The following ZNF283 variants were observed in gnomAD, a reference collection of about 807,000 sequenced individuals.
ZNF283 encodes zinc finger protein 41.
Under a neutral mutation model 9.2 loss-of-function variants are expected in ZNF283, and 10 were observed. The observed-to-expected ratio is 1.09, with a 90% CI of 0.67 to 1.85. The LOEUF (loss-of-function observed/expected upper bound fraction) is 1.85. ZNF283 is among the 40% of genes most tolerant of loss of function. The probability of loss-of-function intolerance (pLI) is 0.00; values close to 1 mark genes in which losing one functional copy is unlikely to be tolerated. For missense variants in ZNF283, 631 were observed against 760.1 expected (o/e 0.83, Z 2.00); for synonymous variants, 234 against 244.1 (o/e 0.96, Z 0.38).
chr19:43,845,266 GA>G (rs1412720298), intron 6 of ZNF283, among the ~76,000 whole-genome samples: 2 of 152,152 alleles, frequency 1.3e-5, no homozygotes, highest in Admixed American at 6.5e-5. Context: ...TTATGTCAAA[GA>G]AACCTGATTG....
chr19:43,850,289 A>G lies in ZNF283; in HGVS notation c.*1648A>G, dbSNP rs1223990369. 1 of 152,208 alleles carries G rather than the reference A, an allele frequency of 6.6e-6. No homozygotes were observed. The highest frequency in any genetic ancestry group is 1.5e-5 in the Non-Finnish European group (1 of 68,048). The allele number at this position is 152,208 out of a possible 1,614,324, so 9.4% of individuals were successfully genotyped here. ...TTGCAATACCTCAGAAGCAGATAGT[A>G]TCCATTTCCCCCAGTATCACCAGTG... is the stretch of plus-strand genomic sequence containing the variant. On this transcript the variant is annotated 3_prime_UTR_variant, in exon 7 of 7. Transcript: ENST00000618787.
chr19:43,847,003 T>C lies in ZNF283; in HGVS notation c.402T>C (p.Asn134=). ...CAGAAAATGATATTTTTGAAATAAA[T>C]TTTTCCCAGTGGGAGATGAAGGACA... ...IFSENDIFEI[N]FSQWEMKDKS... Residue 134 remains asparagine, a synonymous_variant, in exon 7 of 7, where the codon AAT becomes AAC. Coordinates refer to ENST00000618787, the MANE Select transcript of ZNF283 (RefSeq NM_181845.2). The C allele has an allele frequency of 6.4e-7, 1 of 1,569,642 alleles. No individual in the cohort carries two copies. The highest frequency in any genetic ancestry group is 8.6e-7 in the Non-Finnish European group (1 of 1,161,330).
chr19:43,830,731 C>T (rs1207882038), intron 2 of ZNF283, among the ~76,000 whole-genome samples: 1 of 151,634 alleles, frequency 6.6e-6, no homozygotes, highest in African/African-American at 2.4e-5. Context: ...GGTGAAATCC[C>T]ATCTGTACTA....
Position 43,847,219 on chromosome 19 carries a change from CTA to C in ZNF283, c.620_621del (p.Tyr207CysfsTer3), listed in dbSNP as rs747358515. 62 of 1,613,810 alleles carry C rather than the reference CTA, an allele frequency of 3.8e-5. 1 individual carries two copies. In the South Asian group the frequency reaches 6.8e-4, roughly 18 times the overall value. ...HQRIHNTEKS[Y>X]VCKECGKACS... ...AAAGAATTCATAATACAGAGAAATCCTATGTTTGTAAGGAATGTGGGAAGGCT... is the reference window on the plus strand; with the variant it reads ...AAAGAATTCATAATACAGAGAAATCCTGTTTGTAAGGAATGTGGGAAGGCT... On this transcript the variant is annotated frameshift_variant, in exon 7 of 7. Transcript: ENST00000618787. LOFTEE classifies it low-confidence loss of function (END_TRUNC).
At chr19:43,837,543 T>C (rs748056031) in intron 6 of ZNF283, 2 of 335,932 alleles carry the variant, frequency 6.0e-6, no homozygotes, top group East Asian at 9.1e-5. Context: ...TGCTGAGCAC[T>C]GTCAATTGAA....
intron 6 of ZNF283, among the ~76,000 whole-genome samples, chr19:43,844,628 C>A (rs996479976): frequency 2.0e-5 from 3 of 152,070 alleles, no homozygotes; most frequent in African/African-American, 7.2e-5. Flanking sequence ...GACCTGTGAC[C>A]AACTATATAT....
intron 6 of ZNF283, among the ~76,000 whole-genome samples, chr19:43,838,866 G>A (rs1229148568): frequency 6.6e-6 from 1 of 152,098 alleles, no homozygotes; most frequent in Non-Finnish European, 1.5e-5. Flanking sequence ...GGTTCATCTT[G>A]TATGAAATTT....
rs151101565 is a variant in ZNF283 at position 43,842,651 on chromosome 19, C to G, written c.338-4288C>G. 5.2e-3 allele frequency among the ~76,000 whole-genome samples: 790 copies of G among 152,314 alleles called. 2 individuals carry two copies. Among genetic ancestry groups the G allele is most frequent in the African/African-American group, 0.016 (663 of 41,570 alleles). ...AAGACCCCTGGGAGTTCCCAAGAAC[C>G]TTTCAGTGGGCCAAACCTTTCACAA... On this transcript the variant is annotated intron_variant, in intron 6 of 6. Transcript: ENST00000618787.
intron 3 of ZNF283, among the ~76,000 whole-genome samples, chr19:43,832,887 G>C (rs1229791582): frequency 6.6e-6 from 1 of 151,976 alleles, no homozygotes; most frequent in African/African-American, 2.4e-5. Context: ...AGTCGGGCAA[G>C]GTGGCGTGCA....
At chr19:43,840,031 C>G (rs1355449498) in intron 6 of ZNF283, among the ~76,000 whole-genome samples, 2 of 152,064 alleles carry the variant, frequency 1.3e-5, no homozygotes, top group African/African-American at 4.8e-5. Flanking sequence ...TGTGGTACCT[C>G]TGGAGATTCA....
At position 43,850,393 on chromosome 19, in the gene ZNF283, CT is replaced by C. The variant is rs1971573061; in HGVS notation, c.*1754del. 6.6e-6 allele frequency: 1 copy of C among 151,698 alleles called. No homozygotes were observed. Among genetic ancestry groups the C allele is most frequent in the Non-Finnish European group, 1.5e-5 (1 of 67,980 alleles). 9.4% of individuals were successfully genotyped at this position (151,698 alleles called of 1,614,324 possible). On this transcript the variant is annotated 3_prime_UTR_variant, in exon 7 of 7. Transcript: ENST00000618787. ...TATATACCTAATAGGATTGGTCAGC[CT>C]TGATCAATGATCTTTGGAAATGTGT...
chr19:43,844,327 A>G (rs1299159684), intron 6 of ZNF283, among the ~76,000 whole-genome samples: 1 of 152,224 alleles, frequency 6.6e-6, no homozygotes, highest in Non-Finnish European at 1.5e-5. Flanking sequence ...AAAACCTTAC[A>G]TAAAACATAA....
intron 6 of ZNF283, among the ~76,000 whole-genome samples, chr19:43,839,936 T>C (rs1234370918): frequency 6.6e-6 from 1 of 152,214 alleles, no homozygotes; most frequent in African/African-American, 2.4e-5. Context: ...TTCTTTTTTT[T>C]CCTTTGAACG....
Position 43,846,941 on chromosome 19 carries a change from T to G in ZNF283, c.340T>G (p.Leu114Val). The G allele has an allele frequency of 1.3e-6, 2 of 1,532,858 alleles. No individual in the cohort carries two copies. Among genetic ancestry groups the G allele is most frequent in the Non-Finnish European group, 1.8e-6 (2 of 1,139,162 alleles). The allele number at this position is 1,532,858 out of a possible 1,614,324, so 95.0% of individuals were successfully genotyped here. A position where few individuals can be genotyped will look rare whatever the true frequency, so the allele number is the denominator to read the frequency against. ...ENYSNLVSLD[L>V]ESKTYETKKI... The stretch of plus-strand genomic sequence containing the variant: ...GTGGTTTTCTTGTTTTCTTTCAGAT[T>G]TGGAGTCAAAAACGTATGAGACCAA... The change falls in exon 7 of 7, where the codon TTG (leucine) becomes GTG (valine). Residue 114 changes from leucine (L) to valine (V), a missense_variant and splice_region_variant. Coordinates refer to ENST00000618787, the MANE Select transcript of ZNF283 (RefSeq NM_181845.2).
At chr19:43,827,829 AGTC>A (rs1470303154) in intron 1 of ZNF283, 1 of 152,270 alleles carries the variant, frequency 6.6e-6, no homozygotes, top group Non-Finnish European at 1.5e-5. Context: ...GCAAGAAAGA[AGTC>A]TATGCTAAGC....
chr19:43,846,429 C>G (rs1469497784), intron 6 of ZNF283, among the ~76,000 whole-genome samples: 2 of 152,058 alleles, frequency 1.3e-5, no homozygotes, highest in East Asian at 3.9e-4. Flanking sequence ...AGGCCAAATC[C>G]ACCTGTTTTT....
chr19:43,848,486 C>A lies in ZNF283; in HGVS notation c.1885C>A (p.Arg629Ser). The change falls in exon 7 of 7, where the codon CGT (arginine) becomes AGT (serine). Residue 629 changes from arginine (R) to serine (S), a missense_variant. Arg to Ser is a moderately radical substitution (Grantham distance 110). This residue lies in a region of ZNF283 where 444 missense variants were observed against 522.5 expected (regional missense o/e 0.85). Coordinates refer to ENST00000618787, the MANE Select transcript of ZNF283 (RefSeq NM_181845.2). The stretch of plus-strand genomic sequence containing the variant: ...TCATACTGGTGAGAAGCTTTATCAA[C>A]GTAAGGAATTCGGGAAGACCTTTAC... ...RFHTGEKLYQRKEFGKTFTCG... is the reference protein window; with the variant it reads ...RFHTGEKLYQSKEFGKTFTCG... The A allele has an allele frequency of 6.2e-7, 1 of 1,613,436 alleles. No homozygotes were observed. Among genetic ancestry groups the A allele is most frequent in the African/African-American group, 1.3e-5 (1 of 74,974 alleles).
Position 43,847,768 on chromosome 19 carries a change from A to C in ZNF283, c.1167A>C (p.Gln389His). The C allele has an allele frequency of 6.2e-7, 1 of 1,613,050 alleles. No individual in the cohort carries two copies. The highest frequency in any genetic ancestry group is 8.5e-7 in the Non-Finnish European group (1 of 1,179,742). ...ICGKAFCWGY[Q>H]LTRHQIFHTG... is the part of the protein sequence containing the mutation. The stretch of plus-strand genomic sequence containing the variant: ...GAAAGGCTTTTTGTTGGGGCTATCA[A>C]CTTACTCGACATCAGATATTTCATA... Residue 389 changes from glutamine to histidine, a missense_variant, in exon 7 of 7, where the codon CAA (glutamine) becomes CAC (histidine). Gln to His is a conservative substitution (Grantham distance 24). Transcript: ENST00000618787.
chr19:43,831,226 T>G, intron 2 of ZNF283, 92 bp from the exon 3 acceptor site: 1 of 780,740 alleles, frequency 1.3e-6, no homozygotes, highest in Non-Finnish European at 2.1e-6. Context: ...TTACAGAGTA[T>G]CTACTCTATA....
Sources: allele counts gnomAD v4.1 joint callset (sites outside exome capture counted in the v4.1 genomes callset), GRCh38; gene constraint gnomAD v4.1.1; regional missense constraint gnomAD v4.1.1; transcripts MANE v1.5; gene names NCBI Gene and HGNC (gene_info 2026-07-23, HGNC 2026-07-21).